SYNE1: variants seen among roughly 807,000 people sequenced by gnomAD.
SYNE1 encodes nesprin-1.
SYNE1 carries 616 observed loss-of-function variants against 1,111.0 expected under a neutral mutation model. The observed-to-expected ratio is 0.55, with a 90% CI of 0.52 to 0.59. The LOEUF (loss-of-function observed/expected upper bound fraction) is 0.59, where lower values mean the gene tolerates loss of function less well. Among genes scored for constraint, SYNE1 ranks in the 20% least tolerant of loss-of-function variants. The pLI, the probability that SYNE1 is intolerant of heterozygous loss-of-function variation, is 0.00. For synonymous variants in SYNE1, 3,855 were observed against 3,825.8 expected, an observed-to-expected ratio of 1.01 and a Z score of -0.28; for missense variants, 10,006 against 10,417.0, an observed-to-expected ratio of 0.96 and a Z score of 1.72.
rs748189243 is a variant in SYNE1, at chr6:152,455,540, A to G, written c.2778T>C (p.Ser926=). The G allele has an allele frequency of 6.2e-6, 10 of 1,614,102 alleles. No homozygotes were observed. Among genetic ancestry groups the G allele is most frequent in the Non-Finnish European group, 8.5e-6 (10 of 1,180,008 alleles). The part of the protein sequence containing the change: ...GDWKKHVETN[S]RLMKKFEESR... ...ACTCCTCAAACTTCTTCATCAAGCGACTGTTGGTTTCCACATGCTTCTTCC... is the reference window on the plus strand; with the variant it reads ...ACTCCTCAAACTTCTTCATCAAGCGGCTGTTGGTTTCCACATGCTTCTTCC... Residue 926 remains serine, a synonymous_variant, in exon 24 of 146, where the codon AGT becomes AGC. Coordinates refer to ENST00000367255, the MANE Select transcript of SYNE1 (RefSeq NM_182961.4).
At position 152,269,240 on chromosome 6, in the gene SYNE1, G is replaced by A. The variant is rs373188583; in HGVS notation, c.18620C>T (p.Thr6207Met). ...KEESDVDLTATQSPGVQEWLA... is the reference protein window; with the variant it reads ...KEESDVDLTAMQSPGVQEWLA... Reference sequence around the variant, plus strand: ...CCATTCCTGGACGCCGGGGCTCTGCGTGGCTGTTAGGTCAACATCGCTCTC... The same window carrying A: ...CCATTCCTGGACGCCGGGGCTCTGCATGGCTGTTAGGTCAACATCGCTCTC... The change falls in exon 99 of 146, where the codon ACG becomes ATG. Residue 6207 changes from threonine to methionine, a missense_variant. Physicochemically the swap from Thr to Met is moderately conservative, Grantham distance 81 (BLOSUM62 -1). Transcript: ENST00000367255. The A allele has an allele frequency of 3.0e-5, 49 of 1,614,154 alleles. No homozygotes were observed. Among genetic ancestry groups the A allele is most frequent in the South Asian group, 1.1e-4 (10 of 91,082 alleles).
chr6:152,266,913 C>G (rs1050189355), intron 100 of SYNE1, among the ~76,000 whole-genome samples: 3 of 152,126 alleles, frequency 2.0e-5, no homozygotes, highest in African/African-American at 2.4e-5. Context: ...AGTTTAATTC[C>G]TATGTCGTCC....
chr6:152,511,069 G>A lies in SYNE1; in HGVS notation c.344C>T (p.Ala115Val). ...KLVNINSTDIADGRPSIVLGL... is the reference protein window; with the variant it reads ...KLVNINSTDIVDGRPSIVLGL... ...AAGAACTATTGAGGGTCGGCCATCA[G>A]CTATATCGGTGGAGTTAATGTTGAC... Residue 115 changes from alanine to valine, a missense_variant, in exon 7 of 146, where the codon GCT becomes GTT. Physicochemically the swap from Ala to Val is moderately conservative, Grantham distance 64. Coordinates refer to ENST00000367255, the MANE Select transcript of SYNE1 (RefSeq NM_182961.4). 1.2e-6 allele frequency: 2 copies of A among 1,614,014 alleles called. No individual in the cohort carries two copies.
rs2099351248 is a variant in SYNE1 at position 152,552,644 on chromosome 6, AC to A, written c.68-12624del. The stretch of plus-strand genomic sequence containing the variant: ...AAACAGCAAGCACCTAAAAGAGTGA[AC>A]CTGAGAAATAAGGTCAAATCACAGA... On this transcript the variant is annotated intron_variant, in intron 3 of 145. Transcript: ENST00000367255. Among the ~76,000 whole-genome samples the A allele has an allele frequency of 2.0e-5, 3 of 152,152 alleles. No individual in the cohort carries two copies. The South Asian group carries it at 6.2e-4, about 31-fold the overall frequency.
At position 152,396,826 on chromosome 6, in the gene SYNE1, T is replaced by C; in HGVS notation, c.7505A>G (p.Gln2502Arg). The C allele has an allele frequency of 6.2e-7, 1 of 1,614,208 alleles. No individual in the cohort carries two copies. Among genetic ancestry groups the C allele is most frequent in the Non-Finnish European group, 8.5e-7 (1 of 1,180,014 alleles). Residue 2502 changes from glutamine (Q) to arginine (R), a missense_variant, in exon 50 of 146, where the codon CAA becomes CGA. Physicochemically the swap from Gln to Arg is conservative, Grantham distance 43. Around this residue, in one of 7 missense-constraint regions of SYNE1, gnomAD observed 4,955 missense variants for 5,017.2 expected, o/e 0.99. Coordinates refer to ENST00000367255, the MANE Select transcript of SYNE1 (RefSeq NM_182961.4). ...ANEEFQAFLK[Q>R]CLKDKQALQD... ...AAGAGCCTGCTTATCTTTAAGGCAT[T>C]GTTTCAGAAATGCTTGAAACTCTTC...
chr6:152,408,935 C>T (rs992326042), intron 44 of SYNE1, 133 bp downstream of exon 44: 11 of 881,462 alleles, frequency 1.2e-5, no homozygotes, highest in Non-Finnish European at 1.9e-5. Flanking sequence ...GCCTGGGCAA[C>T]AAGAGTGAAA....
intron 143 of SYNE1, 144 bp from the exon 144 acceptor site, chr6:152,132,358 AC>A (rs2055978793): frequency 2.6e-6 from 2 of 763,706 alleles, no homozygotes; most frequent in Non-Finnish European, 4.6e-6. Flanking sequence ...GGAAAATGGA[AC>A]CAGACAGGTA....
At chr6:152,183,505 G>A (rs1441932346) in intron 128 of SYNE1, among the ~76,000 whole-genome samples, 1 of 152,100 alleles carries the variant, frequency 6.6e-6, no homozygotes, top group African/African-American at 2.4e-5. Flanking sequence ...GGAGGCTGAG[G>A]CAGGAGAATC....
chr6:152,353,470 A>C (rs756363233), intron 68 of SYNE1, 37 bp from the exon 69 acceptor site: 1 of 1,614,028 alleles, frequency 6.2e-7, no homozygotes, highest in Non-Finnish European at 8.5e-7. Context: ...GGTGAAGTAA[A>C]GGCCTGTGCC....
At chr6:152,195,656 C>T (rs1378305257) in intron 127 of SYNE1, among the ~76,000 whole-genome samples, 1 of 152,220 alleles carries the variant, frequency 6.6e-6, no homozygotes, top group African/African-American at 2.4e-5. Flanking sequence ...CCCAAACAAA[C>T]AGCGTCTCTT....
intron 90 of SYNE1, among the ~76,000 whole-genome samples, chr6:152,309,619 T>C (rs980591156): frequency 3.3e-5 from 5 of 152,222 alleles, no homozygotes; most frequent in Non-Finnish European, 7.3e-5. Context: ...CACTAAAAGA[T>C]AATTTTCACC....
At chr6:152,357,504 C>T (rs1209430427) in intron 66 of SYNE1, among the ~76,000 whole-genome samples, 1 of 152,134 alleles carries the variant, frequency 6.6e-6, no homozygotes, top group Non-Finnish European at 1.5e-5. Context: ...ATTGGCCTTC[C>T]TCCATCTTCT....
chr6:152,182,867 T>C (rs543802411), intron 128 of SYNE1, among the ~76,000 whole-genome samples: 41 of 152,318 alleles, frequency 2.7e-4, no homozygotes, highest in East Asian at 1.3e-3. Flanking sequence ...TCTTTTAAAG[T>C]AAAAGTTTTT....
intron 22 of SYNE1, chr6:152,456,567 G>A: frequency 4.0e-6 from 1 of 249,754 alleles, no homozygotes; most frequent in Non-Finnish European, 8.0e-6. Flanking sequence ...TAATGAAATG[G>A]TAGGGTTCAG....
rs1437287211 is a variant in SYNE1 at position 152,479,734 on chromosome 6, C to G, written c.1350+3351G>C. 1.5e-4 allele frequency among the ~76,000 whole-genome samples: 23 copies of G among 152,236 alleles called. No homozygotes were observed. The East Asian group carries it at 4.1e-3, about 27-fold the overall frequency. On this transcript the variant is annotated intron_variant, in intron 14 of 145. Coordinates refer to ENST00000367255, the MANE Select transcript of SYNE1 (RefSeq NM_182961.4). ...TCTAGATAACTGAACATTAGGGTAA[C>G]TGGAAAATAGAAAAGATAATACAGG...
rs1025493891 is a variant in SYNE1, at chr6:152,122,024, G to A, written c.*412C>T. 1.6e-5 allele frequency: 4 copies of A among 251,872 alleles called. No individual in the cohort carries two copies. The highest frequency in any genetic ancestry group is 5.0e-5 in the Admixed American group (1 of 19,970). 15.6% of individuals were successfully genotyped at this position (251,872 alleles called of 1,614,324 possible). On this transcript the variant is annotated 3_prime_UTR_variant, in exon 146 of 146. Coordinates refer to ENST00000367255, the MANE Select transcript of SYNE1 (RefSeq NM_182961.4). Reference sequence around the variant, plus strand: ...GCACTGGTTGGTTGGTAGATTGTACGACACTGACATGGTGCTTGGGAGGGT... The same window carrying A: ...GCACTGGTTGGTTGGTAGATTGTACAACACTGACATGGTGCTTGGGAGGGT...
chr6:152,615,142 T>C (rs2099642226), intron 3 of SYNE1, among the ~76,000 whole-genome samples: 1 of 152,140 alleles, frequency 6.6e-6, no homozygotes, highest in Non-Finnish European at 1.5e-5. Context: ...TTTTTTTCCA[T>C]CAAAATTATG....
rs757135364 is a variant in SYNE1, at chr6:152,331,432, T to C, written c.13253A>G (p.Asn4418Ser). ...AGCCTTCTGGATGACCTGTCGCTCA[T>C]TGAGACCAAGATCTGCCATGACCCT... Reference protein sequence around the residue: ...ADRVMADLGLNERQVIQKALS... With the variant: ...ADRVMADLGLSERQVIQKALS... Residue 4418 changes from asparagine (N) to serine (S), a missense_variant, in exon 78 of 146, where the codon AAT (asparagine) becomes AGT (serine). Asn to Ser is a conservative substitution (Grantham distance 46). Transcript: ENST00000367255. 4.3e-6 allele frequency: 7 copies of C among 1,614,070 alleles called. No individual in the cohort carries two copies. The highest frequency in any genetic ancestry group is 1.3e-5 in the African/African-American group (1 of 74,910).
intron 31 of SYNE1, 26 bp from the exon 32 acceptor site, chr6:152,441,296 A>G: frequency 6.3e-7 from 1 of 1,592,898 alleles, no homozygotes; most frequent in Non-Finnish European, 8.6e-7. Context: ...TAAACAACAA[A>G]TGGGTTACAA....
Sources: allele counts gnomAD v4.1 joint callset (sites outside exome capture counted in the v4.1 genomes callset), GRCh38; gene constraint gnomAD v4.1.1; regional missense constraint gnomAD v4.1.1; transcripts MANE v1.5; gene names NCBI Gene and HGNC (gene_info 2026-07-23, HGNC 2026-07-21).